CREB5: variants seen among roughly 807,000 people sequenced by gnomAD.
The protein encoded by CREB5 is cyclic AMP-responsive element-binding protein 5.
In CREB5, 19 loss-of-function variants were observed where a neutral mutation model predicts 57.1. That is an observed-to-expected ratio of 0.33 (90% CI 0.23 to 0.49). The LOEUF (loss-of-function observed/expected upper bound fraction) is 0.49, where lower values mean the gene tolerates loss of function less well. Ranked by LOEUF, CREB5 falls within the 20% of genes least tolerant of loss-of-function variation. The pLI is 0.99. For synonymous variants in CREB5, 238 were observed against 238.3 expected, an observed-to-expected ratio of 1.00 and a Z score of 0.01; for missense variants, 579 against 671.6, an observed-to-expected ratio of 0.86 and a Z score of 1.52.
Position 28,327,778 on chromosome 7 carries a change from C to T in CREB5, c.-25+28337C>T, listed in dbSNP as rs138825595. On this transcript the variant is annotated intron_variant, in intron 1 of 9. Transcript: ENST00000396299. ...AATTTCACTGAAATAATTTTTGTAC[C>T]TCCCCCTGAGAGAGAAAATGCTAAC... is the stretch of plus-strand genomic sequence containing the variant. Among the ~76,000 whole-genome samples, 1,291 of 152,146 alleles carry T rather than the reference C, an allele frequency of 8.5e-3. 14 individuals are homozygous for T. Among genetic ancestry groups the T allele is most frequent in the African/African-American group, 0.029 (1,207 of 41,496 alleles).
At chr7:28,323,757 G>T (rs1405319319) in intron 1 of CREB5, among the ~76,000 whole-genome samples, 1 of 152,120 alleles carries the variant, frequency 6.6e-6, no homozygotes, top group Non-Finnish European at 1.5e-5. Context: ...TACCTTTATT[G>T]TGCACTTTAT....
At chr7:28,331,715 G>A (rs954963043) in intron 1 of CREB5, among the ~76,000 whole-genome samples, 2 of 152,002 alleles carry the variant, frequency 1.3e-5, no homozygotes, top group African/African-American at 4.8e-5. Context: ...TGGGTGTGGT[G>A]GCTCGCACCT....
At chr7:28,641,983 TCA>T (rs1442892484) in intron 5 of CREB5, among the ~76,000 whole-genome samples, 1 of 152,184 alleles carries the variant, frequency 6.6e-6, no homozygotes, top group African/African-American at 2.4e-5. Flanking sequence ...GGTGTGCATG[TCA>T]CAATGCGAAG....
In CREB5 at chr7:28,375,741, G is replaced by GA. The variant is rs532292567; in HGVS notation, c.-25+76314dup. Among the ~76,000 whole-genome samples the GA allele has an allele frequency of 4.3e-3, 507 of 118,174 alleles. 4 individuals are homozygous for GA. The highest frequency in any genetic ancestry group is 0.01 in the South Asian group (37 of 3,548). 77.5% of individuals were successfully genotyped at this position (118,174 alleles called of 152,430 possible). A position where few individuals can be genotyped will look rare whatever the true frequency, so the allele number is the denominator to read the frequency against. On this transcript the variant is annotated intron_variant, in intron 1 of 9. Transcript: ENST00000396299. Reference sequence around the variant, plus strand: ...TTCAAAATGGACCACTTCTGTTATTGAAAAAAAAAAAAAAGCAAATATGGA... The same window carrying GA: ...TTCAAAATGGACCACTTCTGTTATTGAAAAAAAAAAAAAAAGCAAATATGGA...
chr7:28,582,864 G>C (rs1329552162), intron 5 of CREB5, among the ~76,000 whole-genome samples: 2 of 152,136 alleles, frequency 1.3e-5, no homozygotes, highest in African/African-American at 2.4e-5. Context: ...TTGGGAAACT[G>C]TTTAAATTTC....
At chr7:28,742,292 C>T (rs866161337) in intron 7 of CREB5, among the ~76,000 whole-genome samples, 10 of 151,904 alleles carry the variant, frequency 6.6e-5, no homozygotes, top group African/African-American at 1.7e-4. Flanking sequence ...CCCGGCCGGG[C>T]GCGGTGGCTC....
chr7:28,320,316 C>T (rs1785473978), intron 1 of CREB5, among the ~76,000 whole-genome samples: 1 of 151,976 alleles, frequency 6.6e-6, no homozygotes, highest in Non-Finnish European at 1.5e-5. Flanking sequence ...AAAATAATGC[C>T]CTTCTCAAAG....
intron 7 of CREB5, among the ~76,000 whole-genome samples, chr7:28,799,500 T>C (rs2128797043): frequency 6.6e-6 from 1 of 152,346 alleles, no homozygotes; most frequent in South Asian, 2.1e-4. Flanking sequence ...AAGAATAGAC[T>C]TGAGGCAATC....
intron 1 of CREB5, among the ~76,000 whole-genome samples, chr7:28,416,224 T>C (rs1165141220): frequency 6.6e-6 from 1 of 152,208 alleles, no homozygotes; most frequent in Non-Finnish European, 1.5e-5. Context: ...TTTATTCTTT[T>C]ATTACACTGA....
At chr7:28,389,291 T>A (rs1374969685) in intron 1 of CREB5, among the ~76,000 whole-genome samples, 1 of 152,126 alleles carries the variant, frequency 6.6e-6, no homozygotes, top group Non-Finnish European at 1.5e-5. Flanking sequence ...GAAAACTAAT[T>A]TTGAGATTTC....
chr7:28,730,983 A>G (rs1482351835), intron 7 of CREB5, among the ~76,000 whole-genome samples: 1 of 152,208 alleles, frequency 6.6e-6, no homozygotes, highest in Non-Finnish European at 1.5e-5. Context: ...CTCAGGCCCC[A>G]CCACCTCTTT....
At chr7:28,584,368 T>G (rs1402258831) in intron 5 of CREB5, among the ~76,000 whole-genome samples, 1 of 152,174 alleles carries the variant, frequency 6.6e-6, no homozygotes, top group African/African-American at 2.4e-5. Context: ...GTAATCAGGT[T>G]AAGATGACAT....
intron 5 of CREB5, among the ~76,000 whole-genome samples, chr7:28,683,148 G>A (rs1476510481): frequency 2.6e-5 from 4 of 152,116 alleles, no homozygotes; most frequent in Non-Finnish European, 5.9e-5. Flanking sequence ...TTCTATCTAC[G>A]AAGCCCCCCT....
intron 1 of CREB5, among the ~76,000 whole-genome samples, chr7:28,310,169 C>T (rs1025206516): frequency 1.1e-4 from 16 of 151,952 alleles, no homozygotes; most frequent in Admixed American, 5.9e-4. Context: ...GGTGTCCTTG[C>T]GGATGGAGAA....
chr7:28,770,927 AAAAC>A (rs992347118), intron 7 of CREB5, among the ~76,000 whole-genome samples: 1 of 152,220 alleles, frequency 6.6e-6, no homozygotes, highest in Non-Finnish European at 1.5e-5. Flanking sequence ...TTCTCATCAT[AAAAC>A]AAAACAAAAA....
At chr7:28,515,288 T>C (rs1792895597) in intron 4 of CREB5, among the ~76,000 whole-genome samples, 1 of 152,232 alleles carries the variant, frequency 6.6e-6, no homozygotes, top group Admixed American at 6.5e-5. Context: ...TTGGCCTTTC[T>C]CTGACCTCTC....
At chr7:28,533,821 C>T (rs1285768003) in intron 4 of CREB5, among the ~76,000 whole-genome samples, 1 of 152,188 alleles carries the variant, frequency 6.6e-6, no homozygotes, top group Non-Finnish European at 1.5e-5. Flanking sequence ...GGGGAATCAT[C>T]CTTGTCCTCC....
At chr7:28,388,900 A>G (rs1323371819) in intron 1 of CREB5, among the ~76,000 whole-genome samples, 1 of 152,246 alleles carries the variant, frequency 6.6e-6, no homozygotes, top group Non-Finnish European at 1.5e-5. Flanking sequence ...CATTTGATAT[A>G]TTACAGCTGT....
intron 5 of CREB5, among the ~76,000 whole-genome samples, chr7:28,581,270 A>G (rs1796112671): frequency 1.3e-5 from 2 of 152,166 alleles, no homozygotes; most frequent in Non-Finnish European, 2.9e-5. Flanking sequence ...CCTTTGCTGT[A>G]TCATTTTGAA....
Sources: gnomAD v4.1 joint callset for allele counts (sites outside exome capture counted in the v4.1 genomes callset) on GRCh38, gnomAD v4.1.1 for gene constraint, MANE v1.5 for transcripts, NCBI Gene and HGNC (gene_info 2026-07-23, HGNC 2026-07-21) for gene names.